The following COL5A2 variants were observed in gnomAD, a reference collection of about 807,000 sequenced individuals.
The protein encoded by COL5A2 is collagen type V alpha 2 chain, also known as collagen alpha-2(V) chain.
Under a neutral mutation model 208.2 loss-of-function variants are expected in COL5A2, and 23 were observed. That is an observed-to-expected ratio of 0.11 (90% CI 0.08 to 0.16). The LOEUF is 0.16. COL5A2 is among the 10% of genes least tolerant of loss of function. COL5A2 has a pLI of 1.00. For synonymous variants in COL5A2, 625 were observed against 628.5 expected (o/e 0.99, Z 0.08); for missense variants, 1,590 against 1,956.4 (o/e 0.81, Z 3.53).
intron 1 of COL5A2, among the ~76,000 whole-genome samples, chr2:189,215,943 G>C (rs1689273435): frequency 6.6e-6 from 1 of 152,122 alleles, no homozygotes; most frequent in African/African-American, 2.4e-5. Flanking sequence ...AATGGTTACA[G>C]GTGCAGATTT....
the COL5A2 span, among the ~76,000 whole-genome samples, chr2:189,342,746 T>C: frequency 6.6e-6 from 1 of 151,836 alleles, no homozygotes; most frequent in Non-Finnish European, 1.5e-5. Context: ...CTATACATTT[T>C]GTGTATTTGA....
chr2:189,379,385 G>A, the COL5A2 span, among the ~76,000 whole-genome samples: 25 of 152,294 alleles, frequency 1.6e-4, no homozygotes, highest in Middle Eastern at 3.4e-3. Flanking sequence ...TAACTGCTGA[G>A]ACAATGTCAC....
chr2:189,321,850 C>T, the COL5A2 span, among the ~76,000 whole-genome samples: 1 of 152,210 alleles, frequency 6.6e-6, no homozygotes, highest in Non-Finnish European at 1.5e-5. Flanking sequence ...ACAGAACTCT[C>T]CACCACAAAT....
intron 44 of COL5A2, 35 bp downstream of exon 44, chr2:189,049,312 A>G: frequency 7.0e-7 from 1 of 1,426,614 alleles, no homozygotes; most frequent in South Asian, 1.2e-5. Context: ...GACACCAGAT[A>G]ACAAGAGAAG....
chr2:189,278,318 T>C, the COL5A2 span, among the ~76,000 whole-genome samples: 3 of 152,138 alleles, frequency 2.0e-5, no homozygotes, highest in African/African-American at 7.2e-5. Flanking sequence ...TTACGGTAGA[T>C]ATTTTCATCT....
At chr2:189,316,567 C>A in the COL5A2 span, among the ~76,000 whole-genome samples, 1 of 151,644 alleles carries the variant, frequency 6.6e-6, no homozygotes, top group African/African-American at 2.4e-5. Context: ...ACAGAGAGAA[C>A]AACACAAACT....
chr2:189,257,813 C>T, the COL5A2 span, among the ~76,000 whole-genome samples: 1 of 152,054 alleles, frequency 6.6e-6, no homozygotes, highest in African/African-American at 2.4e-5. Flanking sequence ...ACAATACTAC[C>T]TCTTATTAAA....
chr2:189,366,610 T>C, the COL5A2 span, among the ~76,000 whole-genome samples: 1 of 152,222 alleles, frequency 6.6e-6, no homozygotes, highest in African/African-American at 2.4e-5. Context: ...CGCAGGTGCG[T>C]GCATGTGTGC....
At chr2:189,081,717 A>C (rs1301037002) in intron 12 of COL5A2, among the ~76,000 whole-genome samples, 1 of 152,206 alleles carries the variant, frequency 6.6e-6, no homozygotes, top group East Asian at 1.9e-4. Context: ...TTCTTGACTA[A>C]ATAATTACTT....
chr2:189,388,801 A>T, the COL5A2 span, among the ~76,000 whole-genome samples: 1 of 152,108 alleles, frequency 6.6e-6, no homozygotes, highest in African/African-American at 2.4e-5. Context: ...TCTGCTTGGC[A>T]TATTTCCTCT....
intron 30 of COL5A2, among the ~76,000 whole-genome samples, 200 bp from the exon 31 acceptor site, chr2:189,060,983 A>G (rs1686018295): frequency 6.6e-6 from 1 of 152,196 alleles, no homozygotes; most frequent in Non-Finnish European, 1.5e-5. Flanking sequence ...CAGCTAGTCA[A>G]TTTATAGGAT....
intron 1 of COL5A2, among the ~76,000 whole-genome samples, chr2:189,167,971 G>T (rs1214755733): frequency 7.5e-6 from 1 of 134,048 alleles, no homozygotes; most frequent in Non-Finnish European, 1.6e-5. Context: ...ACGGACTCTC[G>T]CTGTCACCCA....
chr2:189,212,110 T>C (rs11678388), intron 1 of COL5A2, among the ~76,000 whole-genome samples: 21,777 of 152,176 alleles, frequency 0.14, 1,996 homozygotes, highest in South Asian at 0.2. Context: ...AGAATAACCA[T>C]TGCAGGCTGA....
the COL5A2 span, among the ~76,000 whole-genome samples, chr2:189,267,726 C>T: frequency 0.99 from 150,928 of 152,168 alleles, 74,861 homozygotes; most frequent in Middle Eastern, 1. Context: ...AGAGTAAATG[C>T]GGGCAATGTG....
the COL5A2 span, among the ~76,000 whole-genome samples, chr2:189,293,670 G>A: frequency 0.043 from 6,482 of 152,248 alleles, 169 homozygotes; most frequent in African/African-American, 0.071. Flanking sequence ...CATGAGGACA[G>A]GCAAAAAGAC....
At chr2:189,358,813 T>C in the COL5A2 span, among the ~76,000 whole-genome samples, 1 of 152,152 alleles carries the variant, frequency 6.6e-6, no homozygotes, top group Non-Finnish European at 1.5e-5. Flanking sequence ...AATTTATTCC[T>C]AGGTACTTTT....
chr2:189,154,479 G>A (rs925776258), intron 1 of COL5A2, among the ~76,000 whole-genome samples: 3 of 152,178 alleles, frequency 2.0e-5, no homozygotes, highest in South Asian at 2.1e-4. Context: ...ATGACCTGGC[G>A]AATGGCTCTG....
chr2:189,315,325 G>C, the COL5A2 span, among the ~76,000 whole-genome samples: 2 of 152,112 alleles, frequency 1.3e-5, no homozygotes, highest in African/African-American at 4.8e-5. Context: ...CAGAACTGAA[G>C]GCAAAAACCA....
the COL5A2 span, among the ~76,000 whole-genome samples, chr2:189,274,458 A>G: frequency 6.6e-6 from 1 of 152,076 alleles, no homozygotes; most frequent in Non-Finnish European, 1.5e-5. Context: ...AGCCTTACAA[A>G]TGCTCCTTTC....
Sources: allele counts gnomAD v4.1 joint callset (sites outside exome capture counted in the v4.1 genomes callset), GRCh38; gene constraint gnomAD v4.1.1; transcripts MANE v1.5; gene names NCBI Gene and HGNC (gene_info 2026-07-23, HGNC 2026-07-21).